The following KCMF1 variants were observed in gnomAD, a reference collection of about 807,000 sequenced individuals.
KCMF1 encodes the protein potassium channel modulatory factor 1, also known as E3 ubiquitin-protein ligase KCMF1.
KCMF1 carries 3 observed loss-of-function variants against 41.1 expected under a neutral mutation model. The observed-to-expected ratio is 0.07, with a 90% CI of 0.03 to 0.19. The LOEUF (loss-of-function observed/expected upper bound fraction) is 0.19. KCMF1 is among the 10% of genes least tolerant of loss of function. KCMF1 has a pLI of 1.00. For synonymous variants in KCMF1, 142 were observed against 164.5 expected, an observed-to-expected ratio of 0.86 and a Z score of 1.04; for missense variants, 286 against 488.9, an observed-to-expected ratio of 0.58 and a Z score of 3.91.
intron 1 of KCMF1, among the ~76,000 whole-genome samples, chr2:85,006,779 A>C (rs1262673525): frequency 6.6e-6 from 1 of 151,942 alleles, no homozygotes; most frequent in Non-Finnish European, 1.5e-5. Context: ...AAAGAGAATA[A>C]AACCAACGTC....
intron 1 of KCMF1, among the ~76,000 whole-genome samples, chr2:85,015,419 C>T (rs866851632): frequency 6.6e-6 from 1 of 152,168 alleles, no homozygotes; most frequent in Non-Finnish European, 1.5e-5. Flanking sequence ...AGAAGCTCCT[C>T]TATTTCCAGA....
In KCMF1 at chr2:84,971,416, C is replaced by T. The variant is rs1437654484; in HGVS notation, c.-36C>T. 8.2e-7 allele frequency: 1 copy of T among 1,213,390 alleles called. No homozygotes were observed. The allele number at this position is 1,213,390 out of a possible 1,614,324, so 75.2% of individuals were successfully genotyped here. A position where few individuals can be genotyped will look rare whatever the true frequency, so the allele number is the denominator to read the frequency against. ...CCCGCGGGGGACACTGCAGCCGGAG[C>T]CCGGGAGGGGCCGCGCCGCCACCGT... On this transcript the variant is annotated 5_prime_UTR_variant, in exon 1 of 7. Coordinates refer to ENST00000409785, the MANE Select transcript of KCMF1 (RefSeq NM_020122.5).
At chr2:84,984,013 C>T (rs545834268) in intron 1 of KCMF1, among the ~76,000 whole-genome samples, 1 of 152,154 alleles carries the variant, frequency 6.6e-6, no homozygotes, top group African/African-American at 2.4e-5. Flanking sequence ...TTAAAAAATG[C>T]CTCAGTTGAA....
intron 1 of KCMF1, among the ~76,000 whole-genome samples, chr2:85,024,769 G>C (rs1675053320): frequency 6.6e-6 from 1 of 152,020 alleles, no homozygotes; most frequent in Admixed American, 6.6e-5. Flanking sequence ...TATGGGGAGA[G>C]ATCCAATTCT....
At chr2:84,998,316 A>G (rs879886982) in intron 1 of KCMF1, among the ~76,000 whole-genome samples, 2 of 152,024 alleles carry the variant, frequency 1.3e-5, no homozygotes, top group Non-Finnish European at 2.9e-5. Flanking sequence ...GCTGGTCTCA[A>G]ACTCCTGACC....
intron 5 of KCMF1, among the ~76,000 whole-genome samples, chr2:85,048,683 C>T (rs1483557582): frequency 6.6e-6 from 1 of 152,178 alleles, no homozygotes; most frequent in African/African-American, 2.4e-5. Context: ...CTTATGGACA[C>T]AAGACAGTCT....
intron 1 of KCMF1, among the ~76,000 whole-genome samples, chr2:84,994,901 C>G (rs868062729): frequency 7.9e-5 from 12 of 152,096 alleles, no homozygotes; most frequent in African/African-American, 2.9e-4. Flanking sequence ...TGGATCATTC[C>G]TTTGATAGTA....
chr2:85,038,136 A>G (rs915336027), intron 3 of KCMF1, among the ~76,000 whole-genome samples: 2 of 152,266 alleles, frequency 1.3e-5, no homozygotes, highest in African/African-American at 2.4e-5. Context: ...TTTAGAAGCC[A>G]GTGACAAATC....
intron 1 of KCMF1, among the ~76,000 whole-genome samples, chr2:84,979,983 C>T (rs543472222): frequency 5.3e-5 from 8 of 151,766 alleles, no homozygotes; most frequent in Non-Finnish European, 7.4e-5. Flanking sequence ...CCACCACGCC[C>T]GGCTAATTTT....
chr2:85,006,562 G>A (rs1674477985), intron 1 of KCMF1, among the ~76,000 whole-genome samples: 1 of 151,740 alleles, frequency 6.6e-6, no homozygotes, highest in Non-Finnish European at 1.5e-5. Context: ...GTCTCCCAAA[G>A]TGCTGGGATT....
At chr2:85,019,332 G>A (rs1328371656) in intron 1 of KCMF1, among the ~76,000 whole-genome samples, 1 of 152,128 alleles carries the variant, frequency 6.6e-6, no homozygotes, top group Non-Finnish European at 1.5e-5. Flanking sequence ...ATATACTTAG[G>A]AGGGCCTCTG....
intron 5 of KCMF1, among the ~76,000 whole-genome samples, chr2:85,048,128 A>G (rs1445048011): frequency 6.6e-6 from 1 of 152,184 alleles, no homozygotes; most frequent in East Asian, 1.9e-4. Context: ...AAAGAAAAAC[A>G]ACCTAAGAAC....
chr2:85,046,014 A>G (rs1200316477), intron 4 of KCMF1, 90 bp from the exon 5 acceptor site: 1 of 1,054,814 alleles, frequency 9.5e-7, no homozygotes, highest in Non-Finnish European at 1.4e-6. Flanking sequence ...CTTACAATTC[A>G]GGAAATCTTT....
chr2:85,049,736 A>T, intron 6 of KCMF1, 88 bp downstream of exon 6: 1 of 1,107,018 alleles, frequency 9.0e-7, no homozygotes, highest in South Asian at 1.6e-5. Context: ...TTTGTGCATT[A>T]TATTTCTTTA....
At chr2:84,976,203 CCTTT>C (rs1559123473) in intron 1 of KCMF1, among the ~76,000 whole-genome samples, 3 of 149,174 alleles carry the variant, frequency 2.0e-5, no homozygotes, top group Admixed American at 6.7e-5. Context: ...CTTCTTAACT[CCTTT>C]TTTTTTTTTT....
At chr2:85,012,031 T>G (rs904293776) in intron 1 of KCMF1, among the ~76,000 whole-genome samples, 1 of 152,202 alleles carries the variant, frequency 6.6e-6, no homozygotes, top group Admixed American at 6.5e-5. Context: ...GAAACAGTAG[T>G]AATAACTAAC....
intron 1 of KCMF1, among the ~76,000 whole-genome samples, chr2:84,982,660 A>C (rs111270984): frequency 0.017 from 2,635 of 151,962 alleles, 60 homozygotes; most frequent in African/African-American, 0.06. Flanking sequence ...TCGCCACCCA[A>C]AGTGCTAGGA....
At chr2:85,007,086 A>G (rs1674490252) in intron 1 of KCMF1, among the ~76,000 whole-genome samples, 1 of 146,676 alleles carries the variant, frequency 6.8e-6, no homozygotes, top group African/African-American at 2.5e-5. Context: ...GGGCAACAAG[A>G]GCAAAACTCA....
chr2:85,015,816 C>T (rs1047198066), intron 1 of KCMF1, among the ~76,000 whole-genome samples: 3 of 152,302 alleles, frequency 2.0e-5, no homozygotes, highest in East Asian at 1.9e-4. Flanking sequence ...ATATGTAAGT[C>T]ATTAGGTACA....
Sources: allele counts gnomAD v4.1 joint callset (sites outside exome capture counted in the v4.1 genomes callset), GRCh38; gene constraint gnomAD v4.1.1; transcripts MANE v1.5; gene names NCBI Gene and HGNC (gene_info 2026-07-23, HGNC 2026-07-21).